Variants in CTNNA2 observed in about 807,000 individuals in gnomAD.
CTNNA2 encodes catenin alpha 2, also known as catenin alpha-2.
A neutral mutation model predicts 101.0 loss-of-function variants in CTNNA2; 42 were observed. The ratio of observed to expected loss-of-function variants is 0.42; its 90% confidence interval spans 0.32 to 0.54. CTNNA2 has a LOEUF of 0.54. Among genes scored for constraint, CTNNA2 ranks in the 20% least tolerant of loss-of-function variants. CTNNA2 has a pLI of 0.14. For missense variants in CTNNA2, 871 were observed against 1,223.1 expected, an observed-to-expected ratio of 0.71 and a Z score of 4.29; for synonymous variants, 450 against 456.4, an observed-to-expected ratio of 0.99 and a Z score of 0.18.
intron 4 of CTNNA2, among the ~76,000 whole-genome samples, chr2:79,416,257 C>CTTTTTCTTTT (rs1404591922): frequency 3.2e-5 from 3 of 94,656 alleles, no homozygotes; most frequent in Admixed American, 1.2e-4. Flanking sequence ...CTTTCCTTTT[C>CTTTTTCTTTT]TTTTTTTTTT....
intron 4 of CTNNA2, chr2:79,500,985 C>T (rs1671312933): frequency 1.3e-5 from 2 of 152,210 alleles, no homozygotes; most frequent in African/African-American, 4.8e-5. Flanking sequence ...AATTACTAAT[C>T]TGTGGTGTAC....
chr2:80,286,858 G>T (rs1393963549), intron 7 of CTNNA2, among the ~76,000 whole-genome samples: 2 of 152,108 alleles, frequency 1.3e-5, no homozygotes, highest in African/African-American at 4.8e-5. Flanking sequence ...CATTGTATTG[G>T]TATGTAAACC....
intron 1 of CTNNA2, among the ~76,000 whole-genome samples, chr2:79,579,172 T>TTTCC (rs772672942): frequency 6.7e-6 from 1 of 150,064 alleles, no homozygotes; most frequent in Non-Finnish European, 1.5e-5. Context: ...TTTTTCTTAA[T>TTTCC]TTCCTTCCTT....
intron 3 of CTNNA2, among the ~76,000 whole-genome samples, chr2:79,372,633 AG>A: frequency 6.6e-6 from 1 of 152,232 alleles, no homozygotes; most frequent in East Asian, 1.9e-4. Flanking sequence ...AAAGGGGGAC[AG>A]GGGAGAAGCA....
At chr2:79,619,603 G>A (rs1039486173) in intron 1 of CTNNA2, among the ~76,000 whole-genome samples, 8 of 152,084 alleles carry the variant, frequency 5.3e-5, no homozygotes, top group South Asian at 4.1e-4. Context: ...TTGAAGCTCC[G>A]TAATATTGTG....
At chr2:79,765,032 A>T (rs539848144) in intron 3 of CTNNA2, among the ~76,000 whole-genome samples, 1 of 152,308 alleles carries the variant, frequency 6.6e-6, no homozygotes, top group African/African-American at 2.4e-5. Flanking sequence ...GAACTTAAGG[A>T]TCAGAGCTTC....
intron 2 of CTNNA2, among the ~76,000 whole-genome samples, chr2:79,668,244 C>A: frequency 3.9e-5 from 2 of 51,216 alleles, no homozygotes; most frequent in African/African-American, 7.9e-5. Flanking sequence ...GAGACTCCGT[C>A]TCAAAAAAAA....
chr2:80,334,880 C>T (rs1671638136), intron 7 of CTNNA2, among the ~76,000 whole-genome samples: 1 of 152,198 alleles, frequency 6.6e-6, no homozygotes, highest in Non-Finnish European at 1.5e-5. Flanking sequence ...TGTCCCAGAT[C>T]AGCACGTGAG....
At chr2:79,404,257 A>G (rs1489179628) in intron 4 of CTNNA2, among the ~76,000 whole-genome samples, 1 of 152,010 alleles carries the variant, frequency 6.6e-6, no homozygotes, top group Non-Finnish European at 1.5e-5. Flanking sequence ...TAGGCAGGAT[A>G]TGAATATGGG....
chr2:79,428,581 A>G (rs72919183), intron 4 of CTNNA2, among the ~76,000 whole-genome samples: 1,781 of 152,152 alleles, frequency 0.012, 30 homozygotes, highest in African/African-American at 0.04. Context: ...TACAATATTG[A>G]GACAGAAACA....
chr2:80,026,026 A>G (rs1442269645), intron 7 of CTNNA2, among the ~76,000 whole-genome samples: 1 of 152,212 alleles, frequency 6.6e-6, no homozygotes, highest in East Asian at 1.9e-4. Context: ...TGTGTGTCAC[A>G]GCGGGGAAGG....
intron 7 of CTNNA2, among the ~76,000 whole-genome samples, chr2:79,947,726 A>T (rs746754349): frequency 1.4e-4 from 21 of 152,182 alleles, no homozygotes; most frequent in Non-Finnish European, 2.5e-4. Flanking sequence ...TTTATAGGAT[A>T]CACCCTCTGT....
intron 9 of CTNNA2, among the ~76,000 whole-genome samples, chr2:80,521,937 G>T (rs1689592616): frequency 6.6e-6 from 1 of 152,154 alleles, no homozygotes; most frequent in Non-Finnish European, 1.5e-5. Context: ...GAAAGAATTA[G>T]CCTCAAGGAG....
chr2:80,246,988 A>G (rs1671376771), intron 7 of CTNNA2, among the ~76,000 whole-genome samples: 1 of 152,210 alleles, frequency 6.6e-6, no homozygotes, highest in Admixed American at 6.5e-5. Context: ...TATTTCACTG[A>G]ATACTTCGGA....
intron 12 of CTNNA2, among the ~76,000 whole-genome samples, 196 bp downstream of exon 12, chr2:80,556,089 A>G (rs1352297360): frequency 6.6e-6 from 1 of 152,194 alleles, no homozygotes; most frequent in Non-Finnish European, 1.5e-5. Context: ...TGACAGTTGT[A>G]CTGCTTTGCA....
chr2:79,635,926 TA>T (rs2104387805), intron 1 of CTNNA2, among the ~76,000 whole-genome samples: 1 of 151,710 alleles, frequency 6.6e-6, no homozygotes, highest in East Asian at 2.0e-4. Context: ...ACTCGTTGTA[TA>T]TAGGAGGCTG....
chr2:79,544,844 T>A (rs901916758), intron 1 of CTNNA2, among the ~76,000 whole-genome samples: 2 of 152,100 alleles, frequency 1.3e-5, no homozygotes, highest in Non-Finnish European at 2.9e-5. Context: ...TCAGGTAGAC[T>A]GACTTTGGAA....
chr2:79,563,538 C>G (rs1674925647), intron 1 of CTNNA2, among the ~76,000 whole-genome samples: 1 of 152,086 alleles, frequency 6.6e-6, no homozygotes, highest in South Asian at 2.1e-4. Context: ...GCTGCCATCT[C>G]CAGTCCACAT....
intron 7 of CTNNA2, among the ~76,000 whole-genome samples, chr2:80,076,209 G>A (rs923557596): frequency 6.6e-6 from 1 of 151,912 alleles, no homozygotes; most frequent in African/African-American, 2.4e-5. Flanking sequence ...GGGAATGGAG[G>A]TGGGCTTCTA....
Sources: gnomAD v4.1 joint callset for allele counts (sites outside exome capture counted in the v4.1 genomes callset) on GRCh38, gnomAD v4.1.1 for gene constraint, MANE v1.5 for transcripts, NCBI Gene and HGNC (gene_info 2026-07-23, HGNC 2026-07-21) for gene names.